Variants in DPYD observed in about 807,000 individuals in gnomAD.
The protein encoded by DPYD is dihydropyrimidine dehydrogenase [NADP(+)].
A neutral mutation model predicts 116.2 loss-of-function variants in DPYD; 109 were observed. That is an observed-to-expected ratio of 0.94 (90% confidence interval 0.80 to 1.10). The LOEUF (loss-of-function observed/expected upper bound fraction) is 1.10. Among genes scored for constraint, DPYD ranks in the 50% least tolerant of loss-of-function variants. DPYD has a pLI of 0.00. For missense variants in DPYD, 1,302 were observed against 1,254.5 expected (o/e 1.04, Z -0.57); for synonymous variants, 440 against 432.0 (o/e 1.02, Z -0.23).
intron 22 of DPYD, among the ~76,000 whole-genome samples, chr1:97,080,493 T>C (rs1649079145): frequency 6.6e-6 from 1 of 152,140 alleles, no homozygotes; most frequent in African/African-American, 2.4e-5. Flanking sequence ...AGTTGCTTAA[T>C]ATTTTTAAAA....
intron 3 of DPYD, among the ~76,000 whole-genome samples, chr1:97,784,275 A>G (rs1171508615): frequency 6.8e-6 from 1 of 146,428 alleles, no homozygotes; most frequent in Admixed American, 6.7e-5. Context: ...CTTTTTTTAA[A>G]AAAAAAAATT....
intron 14 of DPYD, among the ~76,000 whole-genome samples, chr1:97,439,058 T>C (rs1051482327): frequency 2.0e-5 from 3 of 152,128 alleles, no homozygotes; most frequent in African/African-American, 7.2e-5. Context: ...CTACTATTAA[T>C]TTGCTGAGAT....
intron 8 of DPYD, among the ~76,000 whole-genome samples, chr1:97,630,327 A>ACCTC: frequency 6.6e-6 from 1 of 151,764 alleles, no homozygotes; most frequent in East Asian, 1.9e-4. Context: ...TTTTGTTTTT[A>ACCTC]CCTCCAAAAC....
At chr1:97,649,889 A>G (rs1293374363) in intron 8 of DPYD, among the ~76,000 whole-genome samples, 1 of 152,056 alleles carries the variant, frequency 6.6e-6, no homozygotes, top group Non-Finnish European at 1.5e-5. Flanking sequence ...ATTAGAATTC[A>G]ATGTATTACC....
intron 16 of DPYD, among the ~76,000 whole-genome samples, chr1:97,318,791 C>T (rs1301411913): frequency 2.0e-5 from 3 of 149,332 alleles, no homozygotes; most frequent in Non-Finnish European, 4.4e-5. Flanking sequence ...TTTTTCAGCA[C>T]CACACCACAC....
intron 16 of DPYD, among the ~76,000 whole-genome samples, chr1:97,323,566 TAC>T (rs1668511518): frequency 9.3e-6 from 1 of 107,208 alleles, no homozygotes; most frequent in South Asian, 3.1e-4. Context: ...TGTGTATATA[TAC>T]ACGTATATAT....
intron 3 of DPYD, among the ~76,000 whole-genome samples, chr1:97,793,487 A>G (rs948665807): frequency 1.3e-5 from 2 of 152,220 alleles, no homozygotes; most frequent in African/African-American, 4.8e-5. Flanking sequence ...ATATGATACC[A>G]GTGTTAATAT....
chr1:97,422,877 G>A (rs1674662511), intron 14 of DPYD, among the ~76,000 whole-genome samples: 1 of 151,934 alleles, frequency 6.6e-6, no homozygotes, highest in African/African-American at 2.4e-5. Flanking sequence ...ATAAATAAGT[G>A]GCCTGTAATA....
intron 14 of DPYD, among the ~76,000 whole-genome samples, chr1:97,427,466 TA>T (rs1674935327): frequency 6.6e-6 from 1 of 152,020 alleles, no homozygotes; most frequent in African/African-American, 2.4e-5. Context: ...TAAGAAAACA[TA>T]ACCCCAATCC....
At chr1:97,609,241 T>A (rs1655787434) in intron 8 of DPYD, among the ~76,000 whole-genome samples, 1 of 151,956 alleles carries the variant, frequency 6.6e-6, no homozygotes. Flanking sequence ...TGATTCATCC[T>A]CTAAGACCAG....
At chr1:97,281,431 T>C (rs1298182569) in intron 18 of DPYD, among the ~76,000 whole-genome samples, 1 of 151,836 alleles carries the variant, frequency 6.6e-6, no homozygotes, top group African/African-American at 2.4e-5. Context: ...TGGATGTGCA[T>C]ATATATAATT....
At chr1:97,849,061 T>C (rs1444251224) in intron 2 of DPYD, among the ~76,000 whole-genome samples, 1 of 152,114 alleles carries the variant, frequency 6.6e-6, no homozygotes, top group Non-Finnish European at 1.5e-5. Context: ...AAGCCCTGTA[T>C]AAAAATTTAA....
intron 12 of DPYD, among the ~76,000 whole-genome samples, chr1:97,532,083 C>T (rs1271576295): frequency 1.3e-5 from 2 of 151,836 alleles, no homozygotes; most frequent in African/African-American, 4.8e-5. Flanking sequence ...AATTTTTCTT[C>T]TTGTTATCTG....
At chr1:97,781,505 T>C (rs922069694) in intron 3 of DPYD, among the ~76,000 whole-genome samples, 1 of 152,190 alleles carries the variant, frequency 6.6e-6, no homozygotes, top group Admixed American at 6.5e-5. Context: ...TTCAACATCA[T>C]TAAACCCTTC....
At chr1:97,851,544 G>C (rs185451730) in intron 2 of DPYD, among the ~76,000 whole-genome samples, 12 of 151,738 alleles carry the variant, frequency 7.9e-5, no homozygotes, top group East Asian at 3.9e-4. Context: ...AGGTGCATTC[G>C]GACCTCCCCT....
intron 19 of DPYD, among the ~76,000 whole-genome samples, chr1:97,200,077 AC>A (rs2101841690): frequency 6.6e-6 from 1 of 152,346 alleles, no homozygotes; most frequent in East Asian, 1.9e-4. Flanking sequence ...AAGCAGGAAC[AC>A]CCTGAGACTG....
chr1:97,785,308 T>C (rs1666959991), intron 3 of DPYD, among the ~76,000 whole-genome samples: 1 of 152,166 alleles, frequency 6.6e-6, no homozygotes, highest in Admixed American at 6.5e-5. Context: ...TAAAAATCTA[T>C]CTCCCTGAGA....
chr1:97,513,636 A>G (rs1375664005), intron 13 of DPYD, among the ~76,000 whole-genome samples: 1 of 151,840 alleles, frequency 6.6e-6, no homozygotes, highest in African/African-American at 2.4e-5. Context: ...GGTATACTAT[A>G]ATGTCACCGA....
intron 13 of DPYD, among the ~76,000 whole-genome samples, chr1:97,455,859 C>T (rs1407252161): frequency 2.0e-5 from 3 of 151,796 alleles, no homozygotes; most frequent in Admixed American, 6.6e-5. Flanking sequence ...ATATTTTTCT[C>T]TTGTAGTAGC....
Sources: allele counts gnomAD v4.1 joint callset (sites outside exome capture counted in the v4.1 genomes callset), GRCh38; gene constraint gnomAD v4.1.1; transcripts MANE v1.5; gene names NCBI Gene and HGNC (gene_info 2026-07-23, HGNC 2026-07-21).